INPP4B: variants seen among roughly 807,000 people sequenced by gnomAD.
INPP4B encodes the protein inositol polyphosphate 4-phosphatase type II.
A neutral mutation model predicts 122.5 loss-of-function variants in INPP4B; 55 were observed. The observed-to-expected ratio is 0.45, with a 90% CI of 0.36 to 0.56. The LOEUF (loss-of-function observed/expected upper bound fraction) is 0.56. INPP4B is among the 20% of genes least tolerant of loss of function. INPP4B has a pLI of 0.00. For missense variants in INPP4B, 1,000 were observed against 1,097.7 expected (o/e 0.91, Z 1.26); for synonymous variants, 403 against 388.7 (o/e 1.04, Z -0.43).
chr4:142,710,692 C>A (rs1295039235), intron 2 of INPP4B, among the ~76,000 whole-genome samples: 1 of 152,206 alleles, frequency 6.6e-6, no homozygotes, highest in Non-Finnish European at 1.5e-5. Flanking sequence ...ACTTCCCAAT[C>A]TCAATCAGTT....
chr4:142,692,809 C>T (rs114664243), intron 2 of INPP4B, among the ~76,000 whole-genome samples: 1,715 of 152,050 alleles, frequency 0.011, 31 homozygotes, highest in African/African-American at 0.031. Flanking sequence ...AAAATATAAA[C>T]TCTTTGTCCC....
intron 2 of INPP4B, among the ~76,000 whole-genome samples, chr4:142,668,711 A>T (rs2150619558): frequency 6.6e-6 from 1 of 152,290 alleles, no homozygotes; most frequent in Admixed American, 6.5e-5. Flanking sequence ...ACAGTGAACT[A>T]TCCAAAAAAG....
At chr4:142,779,408 A>G (rs1218586192) in intron 1 of INPP4B, among the ~76,000 whole-genome samples, 1 of 152,180 alleles carries the variant, frequency 6.6e-6, no homozygotes, top group Non-Finnish European at 1.5e-5. Flanking sequence ...ACATGAATTC[A>G]TAACATTTAA....
At chr4:142,767,056 G>A (rs1772253167) in intron 1 of INPP4B, among the ~76,000 whole-genome samples, 1 of 152,180 alleles carries the variant, frequency 6.6e-6, no homozygotes, top group South Asian at 2.1e-4. Context: ...TGATTCAGAT[G>A]ACACTGGTTT....
At chr4:142,553,071 G>A (rs1728355844) in intron 2 of INPP4B, among the ~76,000 whole-genome samples, 1 of 151,984 alleles carries the variant, frequency 6.6e-6, no homozygotes, top group Non-Finnish European at 1.5e-5. Flanking sequence ...TCTTCCCTTG[G>A]TTTTTAAGGT....
intron 3 of INPP4B, among the ~76,000 whole-genome samples, chr4:142,447,225 G>A (rs527276406): frequency 1.4e-3 from 212 of 152,204 alleles, no homozygotes; most frequent in African/African-American, 4.9e-3. Context: ...ACAGATTTGT[G>A]GGGGCCTCAG....
chr4:142,376,538 A>G (rs143030308), intron 7 of INPP4B, among the ~76,000 whole-genome samples: 72 of 152,178 alleles, frequency 4.7e-4, no homozygotes, highest in Non-Finnish European at 7.4e-4. Context: ...TTGATGCGTT[A>G]TCTAACACAG....
intron 2 of INPP4B, among the ~76,000 whole-genome samples, chr4:142,649,147 A>G (rs1752417155): frequency 6.6e-6 from 1 of 152,224 alleles, no homozygotes; most frequent in Non-Finnish European, 1.5e-5. Context: ...TCGAAGGAAA[A>G]CTAACAAACA....
intron 1 of INPP4B, among the ~76,000 whole-genome samples, chr4:142,778,897 T>A (rs1774346529): frequency 1.3e-5 from 2 of 152,236 alleles, no homozygotes; most frequent in South Asian, 4.2e-4. Flanking sequence ...ATGACATAAT[T>A]TAGGATGTGA....
intron 7 of INPP4B, among the ~76,000 whole-genome samples, chr4:142,342,562 G>C (rs944890570): frequency 8.5e-5 from 13 of 152,138 alleles, no homozygotes; most frequent in African/African-American, 3.1e-4. Flanking sequence ...TTCAGGTAAA[G>C]AATCTTAGCT....
At chr4:142,442,859 C>T (rs934972508) in intron 3 of INPP4B, among the ~76,000 whole-genome samples, 5 of 152,156 alleles carry the variant, frequency 3.3e-5, no homozygotes, top group Admixed American at 3.3e-4. Context: ...AAGTTCCATA[C>T]AGCTGGGGAG....
At chr4:142,750,398 A>G (rs1408111191) in intron 1 of INPP4B, among the ~76,000 whole-genome samples, 1 of 152,140 alleles carries the variant, frequency 6.6e-6, no homozygotes, top group Non-Finnish European at 1.5e-5. Context: ...AAACTGCCCC[A>G]TGAAAGAGGA....
intron 1 of INPP4B, among the ~76,000 whole-genome samples, chr4:142,800,485 A>G (rs1189756867): frequency 6.6e-6 from 1 of 152,204 alleles, no homozygotes; most frequent in African/African-American, 2.4e-5. Flanking sequence ...GATATAATAT[A>G]TGTATGATCA....
At chr4:142,545,699 GTA>G (rs1553955865) in intron 2 of INPP4B, among the ~76,000 whole-genome samples, 1 of 116,062 alleles carries the variant, frequency 8.6e-6, no homozygotes, top group African/African-American at 3.7e-5. Flanking sequence ...ATATATATGT[GTA>G]TATATATGTG....
intron 11 of INPP4B, among the ~76,000 whole-genome samples, chr4:142,251,114 A>C (rs72939267): frequency 1.3e-5 from 2 of 152,154 alleles, no homozygotes; most frequent in Non-Finnish European, 2.9e-5. Flanking sequence ...CTCTTCTTCC[A>C]TAAGTAATAT....
chr4:142,346,191 A>G (rs1780276694), intron 7 of INPP4B, among the ~76,000 whole-genome samples: 1 of 152,048 alleles, frequency 6.6e-6, no homozygotes, highest in Non-Finnish European at 1.5e-5. Context: ...CTAGGGATTT[A>G]TGAACTAAAA....
intron 25 of INPP4B, among the ~76,000 whole-genome samples, chr4:142,066,188 C>T (rs1006878489): frequency 6.9e-6 from 1 of 144,348 alleles, no homozygotes; most frequent in African/African-American, 2.5e-5. Context: ...ATTCAACCTT[C>T]AAGACTAAAT....
In INPP4B at chr4:142,314,777, A is replaced by G. The variant is rs781212964; in HGVS notation, c.373-15T>C. 13 of 1,591,046 alleles carry G rather than the reference A, an allele frequency of 8.2e-6. No individual in the cohort carries two copies. In the South Asian group the frequency reaches 1.5e-4, roughly 19 times the overall value. ...CTGGTTCGAACCTGTGGAGAAAAACATTTTCTGTAAGACTTTGGAGTAGAA... is the reference window on the plus strand; with the variant it reads ...CTGGTTCGAACCTGTGGAGAAAAACGTTTTCTGTAAGACTTTGGAGTAGAA... On this transcript the variant is annotated splice_polypyrimidine_tract_variant and intron_variant, in intron 7 of 25. Coordinates refer to ENST00000262992, the MANE Select transcript of INPP4B (RefSeq NM_001101669.3).
chr4:142,131,395 G>A (rs1801187286), intron 18 of INPP4B, among the ~76,000 whole-genome samples: 1 of 152,054 alleles, frequency 6.6e-6, no homozygotes, highest in South Asian at 2.1e-4. Flanking sequence ...CTAGGTGAAT[G>A]TAGGTGAAGT....
Sources: gnomAD v4.1 joint callset for allele counts (sites outside exome capture counted in the v4.1 genomes callset) on GRCh38, gnomAD v4.1.1 for gene constraint, MANE v1.5 for transcripts, NCBI Gene and HGNC (gene_info 2026-07-23, HGNC 2026-07-21) for gene names.